The following AOPEP variants were observed in gnomAD, a reference collection of about 807,000 sequenced individuals.
The protein encoded by AOPEP is aminopeptidase O (putative), also known as aminopeptidase O.
In AOPEP, 77 loss-of-function variants were observed where a neutral mutation model predicts 98.1. That is an observed-to-expected ratio of 0.78 (90% CI 0.65 to 0.95). AOPEP has a LOEUF of 0.95. AOPEP is among the 40% of genes least tolerant of loss of function. The pLI, the probability that AOPEP is intolerant of heterozygous loss-of-function variation, is 0.00. For missense variants in AOPEP, 1,024 were observed against 1,024.7 expected, an observed-to-expected ratio of 1.00 and a Z score of 0.01; for synonymous variants, 346 against 365.3, an observed-to-expected ratio of 0.95 and a Z score of 0.60.
At chr9:95,017,511 G>T (rs2063108965) in intron 13 of AOPEP, among the ~76,000 whole-genome samples, 1 of 152,180 alleles carries the variant, frequency 6.6e-6, no homozygotes, top group African/African-American at 2.4e-5. Flanking sequence ...ACCCATCGTT[G>T]ACTGAAATGT....
chr9:94,727,034 C>T (rs978216801), intron 1 of AOPEP, among the ~76,000 whole-genome samples: 1 of 152,228 alleles, frequency 6.6e-6, no homozygotes, highest in Non-Finnish European at 1.5e-5. Flanking sequence ...CCTTTCTCAG[C>T]CTCTGGGTGC....
intron 5 of AOPEP, among the ~76,000 whole-genome samples, chr9:94,837,261 T>A (rs569765882): frequency 6.6e-6 from 1 of 152,004 alleles, no homozygotes; most frequent in South Asian, 2.1e-4. Context: ...GAAATGGTAA[T>A]AAAAAAAATT....
At chr9:95,114,270 TC>T in the AOPEP span, 1 of 356,954 alleles carries the variant, frequency 2.8e-6, no homozygotes, top group South Asian at 2.3e-5. Flanking sequence ...AAGTGCCCTT[TC>T]CCTTCTGTGC....
intron 13 of AOPEP, among the ~76,000 whole-genome samples, chr9:95,025,600 G>A (rs2063778751): frequency 6.6e-6 from 1 of 152,210 alleles, no homozygotes; most frequent in Non-Finnish European, 1.5e-5. Flanking sequence ...GGCATGGGCT[G>A]CCTGCTTACC....
chr9:94,738,601 T>TCTCG (rs760024345), intron 1 of AOPEP, among the ~76,000 whole-genome samples: 1 of 151,902 alleles, frequency 6.6e-6, no homozygotes, highest in Non-Finnish European at 1.5e-5. Flanking sequence ...TGAGATGGAG[T>TCTCG]CTCGCTCTGT....
At chr9:95,118,877 A>G in the AOPEP span, among the ~76,000 whole-genome samples, 1 of 152,202 alleles carries the variant, frequency 6.6e-6, no homozygotes, top group Non-Finnish European at 1.5e-5. Context: ...TGTAGTTAAC[A>G]TGCATACATA....
intron 2 of AOPEP, among the ~76,000 whole-genome samples, chr9:94,768,398 G>A (rs148194922): frequency 6.6e-6 from 1 of 152,308 alleles, no homozygotes; most frequent in Non-Finnish European, 1.5e-5. Context: ...AATGCGTATA[G>A]CAGTCAACGG....
intron 14 of AOPEP, among the ~76,000 whole-genome samples, chr9:95,061,218 A>G (rs923782916): frequency 6.6e-6 from 1 of 152,218 alleles, no homozygotes; most frequent in African/African-American, 2.4e-5. Flanking sequence ...AGGGAATGAA[A>G]ACTAAATCTA....
chr9:94,734,962 G>T (rs899602622), intron 1 of AOPEP, among the ~76,000 whole-genome samples: 1 of 152,104 alleles, frequency 6.6e-6, no homozygotes, highest in Admixed American at 6.6e-5. Flanking sequence ...ATTCACCCTG[G>T]TCTGGAATCT....
intron 3 of AOPEP, among the ~76,000 whole-genome samples, chr9:94,776,166 A>G (rs1842046532): frequency 6.6e-6 from 1 of 152,120 alleles, no homozygotes; most frequent in Admixed American, 6.6e-5. Flanking sequence ...CTCTTGAATA[A>G]TATGTTTTTT....
At chr9:95,106,179 C>T in the AOPEP span, among the ~76,000 whole-genome samples, 7 of 152,122 alleles carry the variant, frequency 4.6e-5, no homozygotes, top group Admixed American at 2.0e-4. Context: ...CAGTGCATCT[C>T]GCTGCACTTT....
chr9:94,897,984 C>T (rs1034947438), intron 5 of AOPEP, among the ~76,000 whole-genome samples: 27 of 152,034 alleles, frequency 1.8e-4, no homozygotes, highest in African/African-American at 6.3e-4. Flanking sequence ...GGATTACAAG[C>T]GCGCACCACC....
intron 10 of AOPEP, among the ~76,000 whole-genome samples, chr9:94,974,431 T>A (rs1247563868): frequency 6.6e-6 from 1 of 152,196 alleles, no homozygotes; most frequent in African/African-American, 2.4e-5. Flanking sequence ...ACAGGGATAT[T>A]ATGAGAAATG....
At chr9:95,074,720 G>C (rs1363057888) in intron 14 of AOPEP, among the ~76,000 whole-genome samples, 1 of 152,212 alleles carries the variant, frequency 6.6e-6, no homozygotes, top group Non-Finnish European at 1.5e-5. Flanking sequence ...CAGAGACCCA[G>C]ATGCCACTTC....
intron 16 of AOPEP, 23 bp downstream of exon 16, chr9:95,082,742 T>A (rs1226489979): frequency 6.2e-7 from 1 of 1,613,314 alleles, no homozygotes; most frequent in African/African-American, 1.3e-5. Flanking sequence ...CTTTCCTTTC[T>A]GTCATTTAGT....
In AOPEP at chr9:95,083,131, G is replaced by A. The variant is rs973867635; in HGVS notation, c.*4+412G>A. ...GGCTGATACAGGAGTTTAAGCGGCC[G>A]TGTGACTCCAAAGCCTAGCTTCTGC... On this transcript the variant is annotated intron_variant, in intron 16 of 16. Transcript: ENST00000375315. 14 of 177,668 alleles carry A rather than the reference G, an allele frequency of 7.9e-5. 1 individual carries two copies. The highest frequency in any genetic ancestry group is 2.5e-3 in the Middle Eastern group (1 of 408). The allele number at this position is 177,668 out of a possible 1,614,324, so 11.0% of individuals were successfully genotyped here.
At chr9:94,833,529 G>C (rs1197821884) in intron 5 of AOPEP, among the ~76,000 whole-genome samples, 1 of 152,040 alleles carries the variant, frequency 6.6e-6, no homozygotes. Flanking sequence ...GAGCCACCGC[G>C]CCTGGCTGTG....
intron 13 of AOPEP, among the ~76,000 whole-genome samples, chr9:95,011,737 A>G (rs1213753394): frequency 6.6e-6 from 1 of 152,068 alleles, no homozygotes; most frequent in East Asian, 1.9e-4. Flanking sequence ...GCTTGAGTTA[A>G]TGAGTTAGAG....
intron 5 of AOPEP, among the ~76,000 whole-genome samples, chr9:94,839,309 C>T (rs1196639773): frequency 2.6e-5 from 4 of 152,076 alleles, no homozygotes; most frequent in African/African-American, 4.8e-5. Context: ...AGGTTGGTCT[C>T]GATCTCCTGA....
Sources: allele counts gnomAD v4.1 joint callset (sites outside exome capture counted in the v4.1 genomes callset), GRCh38; gene constraint gnomAD v4.1.1; transcripts MANE v1.5; gene names NCBI Gene and HGNC (gene_info 2026-07-23, HGNC 2026-07-21).